The following DDX11 variants were observed in gnomAD, a reference collection of about 807,000 sequenced individuals.
DDX11 encodes the protein DEAD/H-box helicase 11, also known as ATP-dependent DNA helicase DDX11.
DDX11 carries 72 observed loss-of-function variants against 125.2 expected under a neutral mutation model. The ratio of observed to expected loss-of-function variants is 0.58; its 90% CI spans 0.48 to 0.70. The LOEUF (loss-of-function observed/expected upper bound fraction) is 0.70. Among genes scored for constraint, DDX11 ranks in the 30% least tolerant of loss-of-function variants. The probability of loss-of-function intolerance (pLI) is 0.00; values close to 1 mark genes in which losing one functional copy is unlikely to be tolerated. For missense variants in DDX11, 883 were observed against 1,165.0 expected (o/e 0.76, Z 3.52); for synonymous variants, 347 against 452.6 (o/e 0.77, Z 2.96).
intron 1 of DDX11, among the ~76,000 whole-genome samples, chr12:31,077,783 G>A (rs1295999269): frequency 6.6e-6 from 1 of 151,716 alleles, no homozygotes; most frequent in Non-Finnish European, 1.5e-5. Context: ...GGCGGAGCGT[G>A]CAGTGAGCCG....
chr12:31,098,400 GCTGTCA>G (rs575977432), intron 18 of DDX11, among the ~76,000 whole-genome samples: 487 of 152,394 alleles, frequency 3.2e-3, no homozygotes, highest in Non-Finnish European at 5.0e-3. Context: ...CCCTCCATGT[GCTGTCA>G]CTGGAACTTG....
chr12:31,104,395 C>G lies in DDX11; in HGVS notation c.*559C>G. On this transcript the variant is annotated 3_prime_UTR_variant, in exon 27 of 27. Coordinates refer to ENST00000542838, the MANE Select transcript of DDX11 (RefSeq NM_030653.4). The stretch of plus-strand genomic sequence containing the variant: ...AGAAGGCCCTGCTCCCTATCCTGTC[C>G]CACAGCCCTGCCTGGATTTGTATCC... 4.2e-6 allele frequency: 1 copy of G among 239,920 alleles called. No homozygotes were observed. The highest frequency in any genetic ancestry group is 7.7e-5 in the South Asian group (1 of 12,908). The allele number at this position is 239,920 out of a possible 1,614,324, so 14.9% of individuals were successfully genotyped here. A position where few individuals can be genotyped will look rare whatever the true frequency, so the allele number is the denominator to read the frequency against.
Position 31,087,683 on chromosome 12 carries a change from C to T in DDX11, c.639-255C>T, listed in dbSNP as rs7308492. The T allele has an allele frequency of 9.6e-3, 5,639 of 586,946 alleles. 223 individuals carry two copies. The highest frequency in any genetic ancestry group is 0.092 in the African/African-American group (5,011 of 54,256). The allele number at this position is 586,946 out of a possible 1,614,324, so 36.4% of individuals were successfully genotyped here. A position where few individuals can be genotyped will look rare whatever the true frequency, so the allele number is the denominator to read the frequency against. ...AGCCTGCCATGAGTCCCGAGGCTTC[C>T]GACTCAAGACTTGGGTTGGGGGTGC... On this transcript the variant is annotated intron_variant, in intron 5 of 26. Coordinates refer to ENST00000542838, the MANE Select transcript of DDX11 (RefSeq NM_030653.4).
intron 12 of DDX11, 111 bp from the exon 13 acceptor site, chr12:31,094,474 CCATTT>C (rs1944859366): frequency 6.5e-7 from 1 of 1,530,704 alleles, no homozygotes; most frequent in Non-Finnish European, 8.8e-7. Flanking sequence ...CAAAACAAAG[CCATTT>C]AAATACAGAT....
intron 18 of DDX11, among the ~76,000 whole-genome samples, chr12:31,100,204 G>A (rs932045818): frequency 3.5e-4 from 54 of 152,292 alleles, no homozygotes; most frequent in Admixed American, 1.3e-4. Flanking sequence ...GAAATTTCAT[G>A]AGAATTGTAC....
Position 31,089,544 on chromosome 12 carries a change from G to T in DDX11, c.880+54G>T, listed in dbSNP as rs556721997. The T allele has an allele frequency of 2.8e-4, 439 of 1,555,042 alleles. 1 individual carries two copies. The highest frequency in any genetic ancestry group is 3.6e-4 in the Non-Finnish European group (407 of 1,127,308). The stretch of plus-strand genomic sequence containing the variant: ...AGGTGGTCTGGAGAGAGTGAGGCAG[G>T]GGTGGCAGTGACTGAAGACCATTAA... On this transcript the variant is annotated intron_variant, in intron 8 of 26. Transcript: ENST00000542838.
intron 1 of DDX11, among the ~76,000 whole-genome samples, chr12:31,077,309 GACGTCA>G (rs1940865833): frequency 6.6e-6 from 1 of 152,122 alleles, no homozygotes; most frequent in African/African-American, 2.4e-5. Context: ...AAAAAAAGAT[GACGTCA>G]ACGTGGAGCA....
At chr12:31,083,759 A>G (rs1942482797) in intron 2 of DDX11, 54 bp from the exon 3 acceptor site, 2 of 1,588,950 alleles carry the variant, frequency 1.3e-6, no homozygotes, top group Non-Finnish European at 1.7e-6. Context: ...GGGAAAGGTC[A>G]TTTGGGAGGC....
rs547684268 is a variant in DDX11, at chr12:31,093,219, C to G, written c.1290-26C>G. On this transcript the variant is annotated intron_variant, in intron 11 of 26. Transcript: ENST00000542838. The stretch of plus-strand genomic sequence containing the variant: ...GCGAGTCGCCATCAGGGCACCACCA[C>G]TTAATGTCCGTTGGCTTCTTCTCAG... 77 of 1,604,958 alleles carry G rather than the reference C, an allele frequency of 4.8e-5. No individual in the cohort carries two copies. The South Asian group carries it at 8.6e-4, about 18-fold the overall frequency.
chr12:31,103,923 G>A lies in DDX11; in HGVS notation c.*87G>A, dbSNP rs1946852460. On this transcript the variant is annotated 3_prime_UTR_variant, in exon 27 of 27. Coordinates refer to ENST00000542838, the MANE Select transcript of DDX11 (RefSeq NM_030653.4). Reference sequence around the variant, plus strand: ...GTTTGTCGTGGGCGTGGTCTGCGGGGATCCTGTTACAAAGGTGAAACCCAG... The same window carrying A: ...GTTTGTCGTGGGCGTGGTCTGCGGGAATCCTGTTACAAAGGTGAAACCCAG... 1.2e-6 allele frequency: 2 copies of A among 1,613,570 alleles called. No homozygotes were observed. Among genetic ancestry groups the A allele is most frequent in the South Asian group, 1.1e-5 (1 of 91,020 alleles).
chr12:31,101,213 C>T, intron 20 of DDX11, 83 bp downstream of exon 20: 1 of 1,212,348 alleles, frequency 8.2e-7, no homozygotes, highest in Non-Finnish European at 1.2e-6. Flanking sequence ...CTGGCCCACC[C>T]TGAGTGTTTT....
chr12:31,097,492 A>AAC, intron 17 of DDX11, among the ~76,000 whole-genome samples: 1 of 150,234 alleles, frequency 6.7e-6, no homozygotes. Context: ...CATCCTGGCT[A>AAC]ACACAGTGAA....
Position 31,084,025 on chromosome 12 carries a change from GAAGA to G in DDX11, c.363_366del (p.Glu122ArgfsTer8). On this transcript the variant is annotated frameshift_variant, in exon 3 of 27. Transcript: ENST00000542838. LOFTEE classifies it high-confidence loss of function. ...CGGCCTGGGTTACTCAGTTTGTGCA[GAAGA>G]AAGAAGAGAGGGACCTGGTGGACCG... is the stretch of plus-strand genomic sequence containing the variant. The G allele has an allele frequency of 2.5e-6, 4 of 1,613,984 alleles. No individual in the cohort carries two copies. Among genetic ancestry groups the G allele is most frequent in the Non-Finnish European group, 3.4e-6 (4 of 1,179,866 alleles).
rs1485501996 is a variant in DDX11 at position 31,100,706 on chromosome 12, T to A, written c.1947T>A (p.Cys649Ter). The A allele has an allele frequency of 3.9e-6, 6 of 1,551,666 alleles. No individual in the cohort carries two copies. The highest frequency in any genetic ancestry group is 5.2e-6 in the Non-Finnish European group (6 of 1,146,946). Residue 649 changes from cysteine (C) to a stop codon, truncating the protein, a stop_gained and splice_region_variant, in exon 19 of 27, where the codon TGT (cysteine) becomes TGA (stop). Coordinates refer to ENST00000542838, the MANE Select transcript of DDX11 (RefSeq NM_030653.4). LOFTEE classifies it high-confidence loss of function. ...CTGAGCGCGTGGTGGAGTTTTCCTG[T>A]GGTGAGAAGCTGTGCCCAGGGTGGG... ...VEAERVVEFS[C>*]GHVIPPDNIL...
rs748602134 is a variant in DDX11 at position 31,091,851 on chromosome 12, G to A, written c.1222G>A (p.Val408Met). Residue 408 changes from valine (V) to methionine (M), a missense_variant, in exon 10 of 27, where the codon GTG becomes ATG. This residue lies in a region of DDX11 where 241 missense variants were observed against 279.7 expected (regional missense o/e 0.86). Coordinates refer to ENST00000542838, the MANE Select transcript of DDX11 (RefSeq NM_030653.4). ...CGACACCATCACGGGCATGCACAGC[G>A]TGGAGGTCAGCGGCTCCCAGGTGTG... ...LIDTITGMHSVEVSGSQLCQA... is the reference protein window; with the variant it reads ...LIDTITGMHSMEVSGSQLCQA... 5.6e-6 allele frequency: 9 copies of A among 1,613,806 alleles called. No homozygotes were observed. Among genetic ancestry groups the A allele is most frequent in the South Asian group, 2.2e-5 (2 of 91,086 alleles).
At chr12:31,096,425 C>T (rs748978200) in intron 15 of DDX11, 46 bp downstream of exon 15, 1 of 1,613,372 alleles carries the variant, frequency 6.2e-7, no homozygotes. Flanking sequence ...CAGCTGTGCC[C>T]CAACCCCCTG....
intron 4 of DDX11, 96 bp downstream of exon 4, chr12:31,084,765 C>G (rs1052311937): frequency 2.4e-6 from 3 of 1,259,832 alleles, no homozygotes; most frequent in South Asian, 2.6e-5. Context: ...GTCTCCCCTC[C>G]GTGACCCTCA....
Position 31,103,604 on chromosome 12 carries a change from T to G in DDX11, c.2564T>G (p.Phe855Cys), listed in dbSNP as rs1482771261. ...IGRAIRHQKD[F>C]ASVVLLDQRY... is the part of the protein sequence containing the mutation. ...AGGGCCATCAGGCACCAGAAGGATT[T>G]TGCCAGCGTAGTGCTCCTGGACCAG... Residue 855 changes from phenylalanine to cysteine, a missense_variant, in exon 26 of 27, where the codon TTT becomes TGT. Coordinates refer to ENST00000542838, the MANE Select transcript of DDX11 (RefSeq NM_030653.4). 1.9e-6 allele frequency: 3 copies of G among 1,614,008 alleles called. No homozygotes were observed. Among genetic ancestry groups the G allele is most frequent in the Non-Finnish European group, 1.7e-6 (2 of 1,179,960 alleles).
chr12:31,092,803 C>T, intron 10 of DDX11, 43 bp from the exon 11 acceptor site: 1 of 1,588,032 alleles, frequency 6.3e-7, no homozygotes, highest in Non-Finnish European at 8.6e-7. Context: ...GTACCTTAGC[C>T]CTCAGCTGCT....
Sources: gnomAD v4.1 joint callset for allele counts (sites outside exome capture counted in the v4.1 genomes callset) on GRCh38, gnomAD v4.1.1 for gene constraint, gnomAD v4.1.1 regional missense constraint, MANE v1.5 for transcripts, NCBI Gene and HGNC (gene_info 2026-07-23, HGNC 2026-07-21) for gene names.